The following ZNF385D variants were observed in gnomAD, a reference collection of about 807,000 sequenced individuals.
ZNF385D encodes the protein zinc finger protein 659.
Under a neutral mutation model 35.8 loss-of-function variants are expected in ZNF385D, and 15 were observed. The ratio of observed to expected loss-of-function variants is 0.42; its 90% CI spans 0.28 to 0.64. The LOEUF is 0.64. ZNF385D is among the 30% of genes least tolerant of loss of function. The pLI, the probability that ZNF385D is intolerant of heterozygous loss-of-function variation, is 0.23. For missense variants in ZNF385D, 474 were observed against 494.6 expected, an observed-to-expected ratio of 0.96 and a Z score of 0.39; for synonymous variants, 212 against 186.8, an observed-to-expected ratio of 1.13 and a Z score of -1.10.
chr3:22,157,236 T>C (rs935780673), intron 3 of ZNF385D, among the ~76,000 whole-genome samples: 6 of 152,166 alleles, frequency 3.9e-5, no homozygotes, highest in Admixed American at 2.6e-4. Context: ...ACATAATGTA[T>C]ACTAATGACT....
intron 3 of ZNF385D, among the ~76,000 whole-genome samples, chr3:22,082,930 A>C (rs983671547): frequency 6.6e-6 from 1 of 152,220 alleles, no homozygotes; most frequent in Non-Finnish European, 1.5e-5. Context: ...ATACCCAGGC[A>C]AACAGGGTCT....
intron 2 of ZNF385D, among the ~76,000 whole-genome samples, chr3:22,192,999 C>T (rs1281229273): frequency 1.3e-5 from 2 of 152,152 alleles, no homozygotes; most frequent in African/African-American, 4.8e-5. Flanking sequence ...TGGCCAAGTT[C>T]TTTCCACCAT....
At chr3:21,929,971 C>G (rs1049680603) in intron 3 of ZNF385D, among the ~76,000 whole-genome samples, 1 of 151,962 alleles carries the variant, frequency 6.6e-6, no homozygotes, top group African/African-American at 2.4e-5. Context: ...TATGGGAATA[C>G]AAGGGACCCA....
intron 3 of ZNF385D, among the ~76,000 whole-genome samples, chr3:21,756,971 T>C (rs2070366436): frequency 6.6e-6 from 1 of 152,144 alleles, no homozygotes; most frequent in Non-Finnish European, 1.5e-5. Flanking sequence ...GATGTTTCCA[T>C]ACAAATTAAA....
At chr3:22,105,889 A>C (rs1702185236) in intron 3 of ZNF385D, among the ~76,000 whole-genome samples, 1 of 151,976 alleles carries the variant, frequency 6.6e-6, no homozygotes, top group Admixed American at 6.6e-5. Flanking sequence ...ATCACCAATT[A>C]ATATAGTAGT....
chr3:21,636,378 T>TTATATATATATATATA (rs1183440640), intron 2 of ZNF385D, among the ~76,000 whole-genome samples: 11 of 47,992 alleles, frequency 2.3e-4, no homozygotes, highest in African/African-American at 7.2e-4. Context: ...ATATATATGA[T>TTATATATATATATATA]TATATATATA....
At chr3:21,904,739 A>G (rs958549732) in intron 3 of ZNF385D, among the ~76,000 whole-genome samples, 1 of 152,136 alleles carries the variant, frequency 6.6e-6, no homozygotes, top group Non-Finnish European at 1.5e-5. Flanking sequence ...TTGTGATGCT[A>G]GATTTAGGGA....
intron 3 of ZNF385D, among the ~76,000 whole-genome samples, chr3:21,537,182 G>A (rs1414641875): frequency 6.9e-6 from 1 of 145,540 alleles, no homozygotes; most frequent in Non-Finnish European, 1.5e-5. Flanking sequence ...ACCCACGCTG[G>A]AGTGCAGTGG....
At chr3:21,704,228 G>A (rs1290562624) in intron 1 of ZNF385D, among the ~76,000 whole-genome samples, 1 of 152,126 alleles carries the variant, frequency 6.6e-6, no homozygotes, top group African/African-American at 2.4e-5. Context: ...TGGTTGGTTT[G>A]CCTACTCAGT....
At chr3:22,094,839 T>C (rs537685408) in intron 3 of ZNF385D, among the ~76,000 whole-genome samples, 5 of 152,098 alleles carry the variant, frequency 3.3e-5, no homozygotes, top group East Asian at 1.9e-4. Flanking sequence ...GAGTGGAAAA[T>C]GTTTTCTTGA....
chr3:21,674,150 T>C (rs112564066), intron 1 of ZNF385D, among the ~76,000 whole-genome samples: 200 of 152,238 alleles, frequency 1.3e-3, no homozygotes, highest in African/African-American at 4.6e-3. Context: ...ATGGTCAACA[T>C]TGTCTCAGGC....
In ZNF385D at chr3:21,715,155, C is replaced by T. The variant is rs117141650; in HGVS notation, c.22+35740G>A. 8.5e-4 allele frequency among the ~76,000 whole-genome samples: 129 copies of T among 152,162 alleles called. 4 individuals are homozygous for T. The East Asian group carries it at 0.023, about 27-fold the overall frequency. On this transcript the variant is annotated intron_variant, in intron 1 of 7. Transcript: ENST00000281523. ...ACAAGCGCAATTTTGTTACATGCAT[C>T]GTGGTCAATTCAAGACTTTCAGGGT... is the stretch of plus-strand genomic sequence containing the variant.
At chr3:22,042,312 T>C (rs1267357804) in intron 3 of ZNF385D, among the ~76,000 whole-genome samples, 1 of 152,088 alleles carries the variant, frequency 6.6e-6, no homozygotes, top group Non-Finnish European at 1.5e-5. Context: ...GGAACTTAGA[T>C]TAGTGTATGG....
rs986063828 is a variant in ZNF385D at position 21,578,694 on chromosome 3, G to A, written c.166-14010C>T. ...TCTATTCTGTTCCATTGGTTGATAC[G>A]CCTGCTTTCATGCCAGAACCATGCT... On this transcript the variant is annotated intron_variant, in intron 2 of 7. Coordinates refer to ENST00000281523, the MANE Select transcript of ZNF385D (RefSeq NM_024697.3). Among the ~76,000 whole-genome samples the A allele has an allele frequency of 5.3e-5, 8 of 151,966 alleles. No individual in the cohort carries two copies. In the East Asian group the frequency reaches 7.7e-4, roughly 15 times the overall value.
intron 3 of ZNF385D, among the ~76,000 whole-genome samples, chr3:21,774,848 T>C (rs558182202): frequency 1.4e-4 from 22 of 151,950 alleles, no homozygotes; most frequent in African/African-American, 5.3e-4. Flanking sequence ...GTTTATAATA[T>C]TTTTGAAACA....
chr3:21,930,676 G>T (rs2125245670), intron 3 of ZNF385D, among the ~76,000 whole-genome samples: 1 of 152,262 alleles, frequency 6.6e-6, no homozygotes, highest in Non-Finnish European at 1.5e-5. Flanking sequence ...CCTTACACAT[G>T]TGGTCAACTG....
At chr3:21,458,004 C>T (rs1702925334) in intron 4 of ZNF385D, among the ~76,000 whole-genome samples, 1 of 151,792 alleles carries the variant, frequency 6.6e-6, no homozygotes, top group Admixed American at 6.6e-5. Flanking sequence ...ATACAGTCCT[C>T]AAAAAAAGTT....
intron 3 of ZNF385D, among the ~76,000 whole-genome samples, chr3:22,137,785 C>T (rs572497011): frequency 3.9e-5 from 6 of 152,184 alleles, no homozygotes; most frequent in Non-Finnish European, 8.8e-5. Context: ...TCTCTCACCA[C>T]TCCTATTCAA....
intron 1 of ZNF385D, among the ~76,000 whole-genome samples, chr3:21,736,563 A>G (rs2069251459): frequency 6.6e-6 from 1 of 152,194 alleles, no homozygotes. Context: ...AGAAGGGTAA[A>G]ATTTCACTTA....
Sources: allele counts gnomAD v4.1 joint callset (sites outside exome capture counted in the v4.1 genomes callset), GRCh38; gene constraint gnomAD v4.1.1; transcripts MANE v1.5; gene names NCBI Gene and HGNC (gene_info 2026-07-23, HGNC 2026-07-21).